The following ZNF254 variants were observed in gnomAD, a reference collection of about 807,000 sequenced individuals.
The protein encoded by ZNF254 is CTD-2017D11.1.
ZNF254 carries 10 observed loss-of-function variants against 12.4 expected under a neutral mutation model. That is an observed-to-expected ratio of 0.80 (90% CI 0.50 to 1.36). The LOEUF (loss-of-function observed/expected upper bound fraction) is 1.36. Ranked by LOEUF, ZNF254 falls within the 40% of genes most tolerant of loss-of-function variation. The pLI is 0.00. For synonymous variants in ZNF254, 305 were observed against 253.4 expected (o/e 1.20, Z -1.93); for missense variants, 996 against 763.9 (o/e 1.30, Z -3.58).
At chr19:24,078,347 A>G (rs1971733433) in intron 2 of ZNF254, 2 of 152,204 alleles carry the variant, frequency 1.3e-5, no homozygotes, top group Admixed American at 6.5e-5. Flanking sequence ...CTTTCTGACT[A>G]GCAGTCTCAC....
intron 2 of ZNF254, among the ~76,000 whole-genome samples, chr19:24,049,216 T>TATATA (rs1568426573): frequency 5.7e-3 from 216 of 37,624 alleles, no homozygotes; most frequent in Non-Finnish European, 0.01. Flanking sequence ...ATATATATAT[T>TATATA]TTTTTTTTTT....
Position 24,128,205 on chromosome 19 carries a change from A to G in ZNF254, c.*225A>G, listed in dbSNP as rs1357059899. On this transcript the variant is annotated 3_prime_UTR_variant, in exon 4 of 4. Transcript: ENST00000357002. ...GGTAAGATAATTCATACTGGAGAAA[A>G]CTACCAGTGTGAACAACGTGGCCAA... The G allele has an allele frequency of 1.7e-5, 8 of 470,332 alleles. No individual in the cohort carries two copies. Among genetic ancestry groups the G allele is most frequent in the Admixed American group, 3.9e-5 (1 of 25,934 alleles). 29.1% of individuals were successfully genotyped at this position (470,332 alleles called of 1,614,324 possible).
intron 3 of ZNF254, among the ~76,000 whole-genome samples, chr19:24,121,607 GAGTGC>G (rs1974489525): frequency 6.6e-6 from 1 of 151,904 alleles, no homozygotes; most frequent in Non-Finnish European, 1.5e-5. Flanking sequence ...GACCAGGCTG[GAGTGC>G]AGTGGCACGA....
intron 1 of ZNF254, among the ~76,000 whole-genome samples, chr19:24,093,020 G>A (rs974622834): frequency 6.6e-6 from 1 of 152,056 alleles, no homozygotes; most frequent in African/African-American, 2.4e-5. Context: ...ATTGTATCTC[G>A]TGGTTTTTCT....
At chr19:24,075,834 C>T (rs1474037145) in intron 2 of ZNF254, among the ~76,000 whole-genome samples, 2 of 152,206 alleles carry the variant, frequency 1.3e-5, no homozygotes, top group African/African-American at 2.4e-5. Flanking sequence ...ATAAGACAGA[C>T]ACTCCCAGAG....
chr19:24,127,330 A>G lies in ZNF254; in HGVS notation c.1330A>G (p.Ile444Val). 2.5e-6 allele frequency: 4 copies of G among 1,613,660 alleles called. No homozygotes were observed. The highest frequency in any genetic ancestry group is 3.4e-6 in the Non-Finnish European group (4 of 1,179,798). ...YKCEECGKAF[I>V]WSSTLTKHKR... ...GTGTGAAGAATGTGGCAAAGCATTT[A>G]TCTGGTCCTCAACCCTTACTAAACA... is the stretch of plus-strand genomic sequence containing the variant. The change falls in exon 4 of 4, where the codon ATC becomes GTC. Residue 444 changes from isoleucine (I) to valine (V), a missense_variant. Physicochemically the swap from Ile to Val is conservative, Grantham distance 29. Transcript: ENST00000357002.
intron 2 of ZNF254, chr19:24,079,463 G>C (rs1218783979): frequency 6.6e-6 from 1 of 152,262 alleles, no homozygotes; most frequent in Non-Finnish European, 1.5e-5. Flanking sequence ...ACCTCCAAGG[G>C]GAAATCTTTG....
At chr19:24,047,600 T>C (rs1970446846) in intron 2 of ZNF254, among the ~76,000 whole-genome samples, 1 of 105,922 alleles carries the variant, frequency 9.4e-6, no homozygotes, top group African/African-American at 3.1e-5. Flanking sequence ...TTCTTCCTTT[T>C]TTTTTTTTTT....
At chr19:24,042,610 CCACCTTAAGAGCTGTAA>C (rs547957621) in intron 1 of ZNF254, among the ~76,000 whole-genome samples, 112 of 152,242 alleles carry the variant, frequency 7.4e-4, no homozygotes, top group African/African-American at 2.4e-3. Context: ...TCCAGACGCG[CCACCTTAAGAGCTGTAA>C]CACTCACTGC....
intron 3 of ZNF254, among the ~76,000 whole-genome samples, chr19:24,124,262 T>G (rs62114849): frequency 3.3e-5 from 5 of 152,032 alleles, no homozygotes; most frequent in Non-Finnish European, 4.4e-5. Flanking sequence ...TTCCCTCAAA[T>G]TTGTCATTGA....
Position 24,106,549 on chromosome 19 carries a change from T to C in ZNF254, c.159T>C (p.Gly53=). ...ATTTAGTTATTTTTAATAAAACAGG[T>C]ATTGCTGTCTCTAAGCCAGACCTGA... ...LENYRNLAFL[G]IAVSKPDLIT... is the part of the protein sequence containing the mutation. The change falls in exon 3 of 4, where the codon GGT becomes GGC. Residue 53 remains glycine, a splice_region_variant and synonymous_variant. Transcript: ENST00000357002. The C allele has an allele frequency of 6.3e-7, 1 of 1,577,006 alleles. No individual in the cohort carries two copies. The highest frequency in any genetic ancestry group is 1.1e-5 in the South Asian group (1 of 90,662).
At chr19:24,120,992 G>A (rs970947424) in intron 3 of ZNF254, among the ~76,000 whole-genome samples, 2 of 151,842 alleles carry the variant, frequency 1.3e-5, no homozygotes, top group African/African-American at 2.4e-5. Flanking sequence ...GACAGCTTTG[G>A]CCTCTTAAAA....
Position 24,120,414 on chromosome 19 carries a change from CTG to C in ZNF254, c.254-5838_254-5837del, listed in dbSNP as rs371351659. On this transcript the variant is annotated intron_variant, in intron 3 of 3. Coordinates refer to ENST00000357002, the MANE Select transcript of ZNF254 (RefSeq NM_203282.4). ...TCAGTTGAATATAAAAATTATACCT[CTG>C]TATTTTTCAGTTTATTAATATAAAA... Among the ~76,000 whole-genome samples, 682 of 152,072 alleles carry C rather than the reference CTG, an allele frequency of 4.5e-3. 6 individuals carry two copies. The highest frequency in any genetic ancestry group is 7.0e-3 in the Non-Finnish European group (474 of 67,982).
chr19:24,091,678 A>C (rs746422794), intron 1 of ZNF254, among the ~76,000 whole-genome samples: 4 of 151,922 alleles, frequency 2.6e-5, no homozygotes, highest in Admixed American at 6.6e-5. Context: ...TTTTTAGTAG[A>C]GATGGGGTTT....
At chr19:24,087,434 C>G in intron 1 of ZNF254, 97 bp downstream of exon 1, 1 of 1,499,580 alleles carries the variant, frequency 6.7e-7, no homozygotes, top group Non-Finnish European at 9.2e-7. Flanking sequence ...CCCCAGTCAG[C>G]TCCACAATCT....
intron 1 of ZNF254, among the ~76,000 whole-genome samples, chr19:24,099,536 C>T (rs537293949): frequency 1.3e-4 from 20 of 152,240 alleles, no homozygotes; most frequent in African/African-American, 4.6e-4. Context: ...AAGACAGCAC[C>T]CTTTTCAGTC....
chr19:24,102,390 T>A (rs1281501487), intron 1 of ZNF254, among the ~76,000 whole-genome samples: 1 of 143,556 alleles, frequency 7.0e-6, no homozygotes, highest in Non-Finnish European at 1.5e-5. Context: ...GAGATTTAAG[T>A]TTTTTTTTTT....
At position 24,088,106 on chromosome 19, in the gene ZNF254, C is replaced by G. The variant is rs139857544; in HGVS notation, c.30+769C>G. On this transcript the variant is annotated intron_variant, in intron 1 of 3. Coordinates refer to ENST00000357002, the MANE Select transcript of ZNF254 (RefSeq NM_203282.4). Reference sequence around the variant, plus strand: ...TATTTTTAGTAGAGACGGGGTTTTACCATGTTGGCCAGGCTGGTCTCCAAC... The same window carrying G: ...TATTTTTAGTAGAGACGGGGTTTTAGCATGTTGGCCAGGCTGGTCTCCAAC... Among the ~76,000 whole-genome samples, 810 of 152,006 alleles carry G rather than the reference C, an allele frequency of 5.3e-3. 7 individuals are homozygous for G. Among genetic ancestry groups the G allele is most frequent in the African/African-American group, 0.019 (783 of 41,468 alleles).
At chr19:24,126,231 A>G (rs750631552) in intron 3 of ZNF254, 23 bp from the exon 4 acceptor site, 2 of 1,385,730 alleles carry the variant, frequency 1.4e-6, no homozygotes, top group East Asian at 5.1e-5. Flanking sequence ...GGAGTAATTT[A>G]TTTATTTTTA....
Sources: allele counts gnomAD v4.1 joint callset (sites outside exome capture counted in the v4.1 genomes callset), GRCh38; gene constraint gnomAD v4.1.1; transcripts MANE v1.5; gene names NCBI Gene and HGNC (gene_info 2026-07-23, HGNC 2026-07-21).